The following FAT3 variants were observed in gnomAD, a reference collection of about 807,000 sequenced individuals.
FAT3 encodes protocadherin Fat 3.
Under a neutral mutation model 310.2 loss-of-function variants are expected in FAT3, and 95 were observed. The ratio of observed to expected loss-of-function variants is 0.31; its 90% CI spans 0.26 to 0.36. The LOEUF is 0.36. FAT3 is among the 10% of genes least tolerant of loss of function. FAT3 has a pLI of 1.00. For synonymous variants in FAT3, 2,314 were observed against 2,192.9 expected (o/e 1.06, Z -1.54); for missense variants, 5,408 against 5,715.6 (o/e 0.95, Z 1.74).
intron 2 of FAT3, among the ~76,000 whole-genome samples, chr11:92,524,363 A>G (rs1257845021): frequency 2.6e-5 from 4 of 152,078 alleles, no homozygotes; most frequent in Admixed American, 6.6e-5. Flanking sequence ...ATCTGAGCTC[A>G]GGTTTGTTTG....
chr11:92,501,726 G>A (rs1952945504), intron 2 of FAT3, among the ~76,000 whole-genome samples: 1 of 151,890 alleles, frequency 6.6e-6, no homozygotes, highest in Admixed American at 6.6e-5. Flanking sequence ...TTGGGTTCAG[G>A]GAAGCAACAT....
chr11:92,575,776 T>TTTG (rs1938450919), intron 3 of FAT3, among the ~76,000 whole-genome samples: 3 of 151,804 alleles, frequency 2.0e-5, no homozygotes, highest in Admixed American at 1.3e-4. Flanking sequence ...TTGTTTGTTT[T>TTTG]TTTACAAATT....
Position 92,352,734 on chromosome 11 carries a change from C to T in FAT3, c.622C>T (p.Pro208Ser), listed in dbSNP as rs773033935. The change falls in exon 2 of 28, where the codon CCC (proline) becomes TCC (serine). Residue 208 changes from proline (P) to serine (S), a missense_variant. Physicochemically the swap from Pro to Ser is moderately conservative, Grantham distance 74 (BLOSUM62 -1). Around this residue, in one of 5 missense-constraint regions of FAT3, gnomAD observed 4,588 missense variants for 4,809.8 expected, o/e 0.95. Coordinates refer to ENST00000525166, the MANE Select transcript of FAT3 (RefSeq NM_001367949.2). ...KNKVDLFSVH[P>S]TSGVISLSGR... ...TAAAGTTGATCTCTTTTCAGTTCACCCCACGAGTGGTGTCATCTCCTTAAG... is the reference window on the plus strand; with the variant it reads ...TAAAGTTGATCTCTTTTCAGTTCACTCCACGAGTGGTGTCATCTCCTTAAG... The T allele has an allele frequency of 1.6e-5, 26 of 1,613,778 alleles. No individual in the cohort carries two copies. The highest frequency in any genetic ancestry group is 2.2e-5 in the East Asian group (1 of 44,866).
In FAT3 at chr11:92,648,508, T is replaced by C. The variant is rs147172394; in HGVS notation, c.3608-48876T>C. The stretch of plus-strand genomic sequence containing the variant: ...AGAGCCCCTTTGCCCTCTCCAGGGA[T>C]AGGTCCAAATGCCTGGCCTGCCTCC... On this transcript the variant is annotated intron_variant, in intron 3 of 27. Transcript: ENST00000525166. 2.0e-3 allele frequency among the ~76,000 whole-genome samples: 305 copies of C among 152,258 alleles called. No individual in the cohort carries two copies. The Middle Eastern group carries it at 0.02, about 10-fold the overall frequency.
chr11:92,369,815 C>G (rs1312140638), intron 2 of FAT3, among the ~76,000 whole-genome samples: 1 of 152,102 alleles, frequency 6.6e-6, no homozygotes, highest in South Asian at 2.1e-4. Context: ...CCACTGCACT[C>G]CAGCCTGGTG....
At chr11:92,401,156 G>A (rs978402225) in intron 2 of FAT3, among the ~76,000 whole-genome samples, 15 of 152,112 alleles carry the variant, frequency 9.9e-5, no homozygotes, top group African/African-American at 1.7e-4. Context: ...ATAAGCTGGC[G>A]GGGATACTTT....
intron 1 of FAT3, among the ~76,000 whole-genome samples, chr11:92,291,118 T>C (rs10765544): frequency 0.65 from 85,579 of 131,546 alleles, 24,932 homozygotes; most frequent in Non-Finnish European, 0.68. Context: ...CACACACACA[T>C]GCACGCGCGC....
chr11:92,717,271 C>A (rs1258263159), intron 4 of FAT3, among the ~76,000 whole-genome samples: 1 of 152,142 alleles, frequency 6.6e-6, no homozygotes, highest in Non-Finnish European at 1.5e-5. Flanking sequence ...TGCAGAAGGG[C>A]ATTTTGAGGA....
chr11:92,302,915 G>T (rs1275461021), intron 1 of FAT3, among the ~76,000 whole-genome samples: 1 of 152,204 alleles, frequency 6.6e-6, no homozygotes. Flanking sequence ...TTCAGGCTTT[G>T]TCATCTTCTA....
intron 1 of FAT3, among the ~76,000 whole-genome samples, chr11:92,274,616 G>A (rs1391073879): frequency 6.6e-6 from 1 of 152,010 alleles, no homozygotes. Context: ...GGCCGAGAGT[G>A]TACAGATATT....
intron 21 of FAT3, among the ~76,000 whole-genome samples, chr11:92,860,866 C>A (rs1380633702): frequency 1.3e-5 from 2 of 152,082 alleles, no homozygotes; most frequent in South Asian, 4.1e-4. Flanking sequence ...AGCAGGGAGT[C>A]GAAGTTTAAA....
intron 1 of FAT3, among the ~76,000 whole-genome samples, chr11:92,335,204 G>A (rs1360236487): frequency 6.5e-5 from 8 of 122,630 alleles, no homozygotes; most frequent in African/African-American, 3.3e-4. Flanking sequence ...CTAAACACTT[G>A]TTTTTGTTAA....
chr11:92,323,596 T>C (rs1281339304), intron 1 of FAT3, among the ~76,000 whole-genome samples: 2 of 151,256 alleles, frequency 1.3e-5, no homozygotes, highest in Non-Finnish European at 2.9e-5. Context: ...TTTTTTTTTT[T>C]TTTTTCTGAG....
intron 1 of FAT3, among the ~76,000 whole-genome samples, chr11:92,252,204 A>C (rs530656512): frequency 6.6e-6 from 1 of 152,292 alleles, no homozygotes; most frequent in African/African-American, 2.4e-5. Flanking sequence ...TCAGAGAAGA[A>C]TGAAGTGTCA....
At chr11:92,808,940 A>C (rs948429722) in intron 12 of FAT3, among the ~76,000 whole-genome samples, 4 of 152,134 alleles carry the variant, frequency 2.6e-5, no homozygotes, top group African/African-American at 9.7e-5. Flanking sequence ...AAATAAATAA[A>C]TAAAATAAAT....
chr11:92,614,913 A>AT (rs950281730), intron 3 of FAT3, among the ~76,000 whole-genome samples: 2 of 152,108 alleles, frequency 1.3e-5, no homozygotes, highest in Admixed American at 6.6e-5. Flanking sequence ...AACTTCATTC[A>AT]TTTTTTTATG....
intron 2 of FAT3, among the ~76,000 whole-genome samples, chr11:92,420,595 G>T (rs1279012141): frequency 6.6e-6 from 1 of 152,098 alleles, no homozygotes; most frequent in East Asian, 1.9e-4. Flanking sequence ...TGATGGGGGG[G>T]TTAAGAGTAG....
At chr11:92,265,038 A>T (rs1011865343) in intron 1 of FAT3, among the ~76,000 whole-genome samples, 1 of 152,040 alleles carries the variant, frequency 6.6e-6, no homozygotes, top group South Asian at 2.1e-4. Flanking sequence ...GGTTGAAAAA[A>T]AAACCAAAAT....
At chr11:92,327,370 G>T (rs1292304016) in intron 1 of FAT3, among the ~76,000 whole-genome samples, 1 of 152,068 alleles carries the variant, frequency 6.6e-6, no homozygotes, top group East Asian at 1.9e-4. Flanking sequence ...AGGACAATGA[G>T]GAGTTTCTTG....
Sources: gnomAD v4.1 joint callset for allele counts (sites outside exome capture counted in the v4.1 genomes callset) on GRCh38, gnomAD v4.1.1 for gene constraint, gnomAD v4.1.1 regional missense constraint, MANE v1.5 for transcripts, NCBI Gene and HGNC (gene_info 2026-07-23, HGNC 2026-07-21) for gene names.